PLEKHG4B: variants seen among roughly 807,000 people sequenced by gnomAD.
The protein encoded by PLEKHG4B is pleckstrin homology and RhoGEF domain containing G4B.
A neutral mutation model predicts 121.3 loss-of-function variants in PLEKHG4B; 111 were observed. The observed-to-expected ratio is 0.92, with a 90% CI of 0.78 to 1.07. The LOEUF is 1.07. Among genes scored for constraint, PLEKHG4B ranks in the 50% least tolerant of loss-of-function variants. The pLI is 0.00. For synonymous variants in PLEKHG4B, 738 were observed against 725.0 expected (o/e 1.02, Z -0.29); for missense variants, 1,831 against 1,757.8 (o/e 1.04, Z -0.74).
intron 18 of PLEKHG4B, among the ~76,000 whole-genome samples, chr5:176,966 T>G (rs1736777436): frequency 6.6e-6 from 1 of 152,166 alleles, no homozygotes; most frequent in African/African-American, 2.4e-5. Flanking sequence ...TTCAGGTGTG[T>G]CTAGGACCTG....
At chr5:107,134 G>T (rs1733997334) in intron 1 of PLEKHG4B, among the ~76,000 whole-genome samples, 1 of 152,216 alleles carries the variant, frequency 6.6e-6, no homozygotes, top group African/African-American at 2.4e-5. Context: ...TTAATGCTCA[G>T]CCAACTGTAA....
chr5:121,850 C>G (rs1734479388), intron 2 of PLEKHG4B, among the ~76,000 whole-genome samples: 1 of 151,094 alleles, frequency 6.6e-6, no homozygotes, highest in South Asian at 2.1e-4. Flanking sequence ...AAAGAAATGC[C>G]AAAGGGTGGT....
Position 113,047 on chromosome 5 carries a change from T to C in PLEKHG4B, c.46-204T>C, listed in dbSNP as rs900541337. On this transcript the variant is annotated intron_variant, in intron 1 of 19. Transcript: ENST00000637938. This position sits in a 1 kb window ranked among gnomAD's most constrained non-coding sequence, Gnocchi z 5.2. ...GCCTAATGCACCTGCCCCTCTGCTG[T>C]GTGACAGCACAAGGAGAACCACCAG... Among the ~76,000 whole-genome samples the C allele has an allele frequency of 2.0e-5, 3 of 152,146 alleles. No individual in the cohort carries two copies. Among genetic ancestry groups the C allele is most frequent in the Admixed American group, 1.3e-4 (2 of 15,272 alleles).
rs577789917 is a variant in PLEKHG4B at position 177,220 on chromosome 5, G to C, written c.4402+3122G>C. On this transcript the variant is annotated intron_variant, in intron 18 of 19. Coordinates refer to ENST00000637938, the MANE Select transcript of PLEKHG4B (RefSeq NM_052909.5). ...AGGTGGATGCTTATATCATTGATTT[G>C]AGCCTTTGTTTTGTTCTAGTTTTTG... Among the ~76,000 whole-genome samples, 6 of 151,982 alleles carry C rather than the reference G, an allele frequency of 3.9e-5. No individual in the cohort carries two copies. The South Asian group carries it at 1.3e-3, about 32-fold the overall frequency.
At chr5:96,789 G>T (rs1430733992) in intron 1 of PLEKHG4B, among the ~76,000 whole-genome samples, 2 of 152,192 alleles carry the variant, frequency 1.3e-5, no homozygotes, top group African/African-American at 4.8e-5. Context: ...GCATAGGGAA[G>T]GGGGTTGTTT....
chr5:114,566 T>G (rs1410518187), intron 2 of PLEKHG4B, among the ~76,000 whole-genome samples: 1 of 152,118 alleles, frequency 6.6e-6, no homozygotes. Context: ...CAAGCAATTC[T>G]CCTGCCTCAG....
Position 189,364 on chromosome 5 carries a change from C to T in PLEKHG4B, c.*7041C>T, listed in dbSNP as rs1733721555. ...AGAGCCGTGGTGAGCCATCCTAGGA[C>T]CAGTGTACCTCACAACCTTTCAGAC... On this transcript the variant is annotated 3_prime_UTR_variant, in exon 20 of 20. Coordinates refer to ENST00000637938, the MANE Select transcript of PLEKHG4B (RefSeq NM_052909.5). The T allele has an allele frequency of 1.3e-5, 2 of 152,416 alleles. No homozygotes were observed. Among genetic ancestry groups the T allele is most frequent in the African/African-American group, 4.8e-5 (2 of 41,450 alleles). 9.4% of individuals were successfully genotyped at this position (152,416 alleles called of 1,614,324 possible). A position where few individuals can be genotyped will look rare whatever the true frequency, so the allele number is the denominator to read the frequency against.
Position 169,647 on chromosome 5 carries a change from C to T in PLEKHG4B, c.3729+55C>T, listed in dbSNP as rs184189111. 604 of 1,597,338 alleles carry T rather than the reference C, an allele frequency of 3.8e-4. 2 individuals carry two copies. In the African/African-American group the frequency reaches 6.9e-3, roughly 18 times the overall value. ...GCAACGTGGTGGGTGAAGCCGGTGT[C>T]AGAGAGGCGGGGCCTACAGGGCCCA... On this transcript the variant is annotated intron_variant, in intron 14 of 19. Coordinates refer to ENST00000637938, the MANE Select transcript of PLEKHG4B (RefSeq NM_052909.5).
chr5:143,647 C>A, intron 5 of PLEKHG4B, 144 bp downstream of exon 5: 2 of 981,418 alleles, frequency 2.0e-6, no homozygotes, highest in Non-Finnish European at 3.0e-6. Flanking sequence ...CAGTCAGCAC[C>A]CATGTGCTTC....
At chr5:176,466 C>T (rs1002124498) in intron 18 of PLEKHG4B, among the ~76,000 whole-genome samples, 2 of 152,218 alleles carry the variant, frequency 1.3e-5, no homozygotes, top group African/African-American at 4.8e-5. Flanking sequence ...TGAGAATGGC[C>T]GCCCCAGAAT....
rs557843248 is a variant in PLEKHG4B, at chr5:164,891, C to G, written c.3476+1343C>G. Among the ~76,000 whole-genome samples the G allele has an allele frequency of 4.1e-3, 294 of 72,018 alleles. 32 individuals are homozygous for G. The highest frequency in any genetic ancestry group is 0.014 in the African/African-American group (287 of 20,472). 47.2% of individuals were successfully genotyped at this position (72,018 alleles called of 152,430 possible). A position where few individuals can be genotyped will look rare whatever the true frequency, so the allele number is the denominator to read the frequency against. ...ACAGTAATGCTCTGACGGGGCGGAG[C>G]TCACACAGTAATGCTGTGACGGGGC... On this transcript the variant is annotated intron_variant, in intron 13 of 19. Coordinates refer to ENST00000637938, the MANE Select transcript of PLEKHG4B (RefSeq NM_052909.5).
At chr5:169,109 C>T (rs543625441) in intron 13 of PLEKHG4B, 3 of 554,466 alleles carry the variant, frequency 5.4e-6, no homozygotes, top group Admixed American at 6.5e-5. Context: ...CTCTTGACCT[C>T]GTGATCTACC....
At position 139,978 on chromosome 5, in the gene PLEKHG4B, G is replaced by A. The variant is rs1179871475; in HGVS notation, c.739G>A (p.Asp247Asn). 27 of 406,838 alleles carry A rather than the reference G, an allele frequency of 6.6e-5. No homozygotes were observed. The highest frequency in any genetic ancestry group is 1.2e-3 in the Middle Eastern group (2 of 1,628). 25.2% of individuals were successfully genotyped at this position (406,838 alleles called of 1,614,324 possible). A position where few individuals can be genotyped will look rare whatever the true frequency, so the allele number is the denominator to read the frequency against. The change falls in exon 3 of 20, where the codon GAC becomes AAC. Residue 247 changes from aspartate (D) to asparagine (N), a missense_variant. Coordinates refer to ENST00000637938, the MANE Select transcript of PLEKHG4B (RefSeq NM_052909.5). This position sits in a 1 kb window ranked among gnomAD's most constrained non-coding sequence, Gnocchi z 5.0. ...TTTCCAGGGAAGCGCCTCTTGCCCC[G>A]ACACCCTGACCTCACCCTGCCGCCG... is the stretch of plus-strand genomic sequence containing the variant. ...PHFQGSASCP[D>N]TLTSPCRRGH...
chr5:167,899 G>A (rs1372134129), intron 13 of PLEKHG4B, among the ~76,000 whole-genome samples: 1 of 152,172 alleles, frequency 6.6e-6, no homozygotes. Context: ...TTTTTTAGTG[G>A]TAATAAAAAA....
At chr5:175,981 C>T (rs533829772) in intron 18 of PLEKHG4B, among the ~76,000 whole-genome samples, 1,510 of 108,910 alleles carry the variant, frequency 0.014, 49 homozygotes, top group Non-Finnish European at 0.021. Context: ...TCCAGGCAGA[C>T]ACGACCAGGG....
In PLEKHG4B at chr5:161,961, G is replaced by A. The variant is rs771893537; in HGVS notation, c.2649+17G>A. On this transcript the variant is annotated intron_variant, in intron 12 of 19. Transcript: ENST00000637938. ...TGCGAGACGGTAAGAGACCCAGTGG[G>A]CGTGCGTCCCAGGGATCCCGGCTCC... 7 of 1,596,388 alleles carry A rather than the reference G, an allele frequency of 4.4e-6. No homozygotes were observed. The highest frequency in any genetic ancestry group is 5.1e-6 in the Non-Finnish European group (6 of 1,171,252).
chr5:114,241 G>A (rs189886761), intron 2 of PLEKHG4B, among the ~76,000 whole-genome samples: 2 of 152,250 alleles, frequency 1.3e-5, no homozygotes, highest in East Asian at 1.9e-4. Flanking sequence ...AGACCACAAT[G>A]AAGTTTTCCA....
Position 163,196 on chromosome 5 carries a change from G to A in PLEKHG4B, c.3124G>A (p.Gly1042Ser), listed in dbSNP as rs377406921. Residue 1042 changes from glycine to serine, a missense_variant, in exon 13 of 20, where the codon GGC (glycine) becomes AGC (serine). Coordinates refer to ENST00000637938, the MANE Select transcript of PLEKHG4B (RefSeq NM_052909.5). ...ALWDPLSLLR[G>S]LPGAGATTAH... ...GTGGGACCCACTGTCCCTCCTCAGG[G>A]GCCTTCCAGGGGCAGGGGCCACCAC... 2.5e-6 allele frequency: 4 copies of A among 1,586,340 alleles called. No individual in the cohort carries two copies. The highest frequency in any genetic ancestry group is 2.7e-5 in the African/African-American group (2 of 74,350).
intron 2 of PLEKHG4B, among the ~76,000 whole-genome samples, chr5:114,831 T>G (rs994155437): frequency 3.3e-5 from 5 of 152,238 alleles, no homozygotes; most frequent in African/African-American, 1.2e-4. Context: ...CAGGCTCCAC[T>G]TCTAATCCTA....
Sources: allele counts gnomAD v4.1 joint callset (sites outside exome capture counted in the v4.1 genomes callset), GRCh38; gene constraint gnomAD v4.1.1; non-coding constraint Gnocchi (gnomAD v3.1); transcripts MANE v1.5; gene names NCBI Gene and HGNC (gene_info 2026-07-23, HGNC 2026-07-21).